The following NOS1AP variants were observed in gnomAD, a reference collection of about 807,000 sequenced individuals.
NOS1AP encodes carboxyl-terminal PDZ ligand of neuronal nitric oxide synthase protein.
A neutral mutation model predicts 56.2 loss-of-function variants in NOS1AP; 21 were observed. The ratio of observed to expected loss-of-function variants is 0.37; its 90% CI spans 0.26 to 0.54. The LOEUF (loss-of-function observed/expected upper bound fraction) is 0.54. Among genes scored for constraint, NOS1AP ranks in the 20% least tolerant of loss-of-function variants. NOS1AP has a pLI of 0.84. For synonymous variants in NOS1AP, 270 were observed against 274.6 expected (o/e 0.98, Z 0.17); for missense variants, 522 against 657.8 (o/e 0.79, Z 2.26).
In NOS1AP at chr1:162,199,963, G is replaced by A. The variant is rs576796383; in HGVS notation, c.177+45487G>A. Among the ~76,000 whole-genome samples the A allele has an allele frequency of 2.0e-5, 3 of 152,294 alleles. No homozygotes were observed. In the South Asian group the frequency reaches 6.2e-4, roughly 32 times the overall value. ...CACCTTTGCTTTGTAGGAGGAGGCA[G>A]TAGGTAGTGGTAGAAGCCATGTGCA... On this transcript the variant is annotated intron_variant, in intron 2 of 9. Transcript: ENST00000361897.
chr1:162,322,483 A>G (rs1212745612), intron 4 of NOS1AP, among the ~76,000 whole-genome samples: 1 of 152,190 alleles, frequency 6.6e-6, no homozygotes. Context: ...AGCAGGTGGC[A>G]TGAGAGGTAT....
At chr1:162,152,306 C>T (rs1649751388) in intron 1 of NOS1AP, among the ~76,000 whole-genome samples, 1 of 152,162 alleles carries the variant, frequency 6.6e-6, no homozygotes, top group Non-Finnish European at 1.5e-5. Context: ...CCCTAGCTCT[C>T]ATGTGATGGC....
At chr1:162,086,142 T>C (rs12066465) in intron 1 of NOS1AP, among the ~76,000 whole-genome samples, 25,498 of 152,024 alleles carry the variant, frequency 0.17, 4,846 homozygotes, top group African/African-American at 0.47. Flanking sequence ...CCCAGAACAA[T>C]TTTTGGAGGC....
intron 1 of NOS1AP, among the ~76,000 whole-genome samples, chr1:162,112,842 A>G (rs1309047469): frequency 1.3e-5 from 2 of 152,236 alleles, no homozygotes; most frequent in Non-Finnish European, 2.9e-5. Context: ...CATTATAAGC[A>G]TGTCAATGCC....
chr1:162,217,576 T>C (rs1429557453), intron 2 of NOS1AP, among the ~76,000 whole-genome samples: 1 of 152,144 alleles, frequency 6.6e-6, no homozygotes, highest in Non-Finnish European at 1.5e-5. Flanking sequence ...TGTTGTTGGC[T>C]TTTTGTTCAA....
At chr1:162,314,776 G>C (rs548854976) in intron 4 of NOS1AP, among the ~76,000 whole-genome samples, 64 of 152,272 alleles carry the variant, frequency 4.2e-4, no homozygotes, top group Middle Eastern at 3.4e-3. Context: ...ATGTACCCCA[G>C]AGTCCTGCAT....
chr1:162,199,622 G>GTC (rs1415328797), intron 2 of NOS1AP, among the ~76,000 whole-genome samples: 3 of 141,016 alleles, frequency 2.1e-5, no homozygotes, highest in Non-Finnish European at 4.8e-5. Context: ...GTGTGTGTGT[G>GTC]TGTGTGTGTG....
intron 2 of NOS1AP, among the ~76,000 whole-genome samples, chr1:162,272,681 G>C (rs866853522): frequency 2.0e-5 from 3 of 152,226 alleles, no homozygotes; most frequent in Middle Eastern, 3.4e-3. Flanking sequence ...CCATATATGT[G>C]AGCCTGTGTG....
intron 1 of NOS1AP, among the ~76,000 whole-genome samples, chr1:162,152,830 C>T (rs1487501198): frequency 6.6e-6 from 1 of 152,172 alleles, no homozygotes; most frequent in Non-Finnish European, 1.5e-5. Flanking sequence ...TTGCTTTTCC[C>T]GTAACTACAG....
intron 4 of NOS1AP, among the ~76,000 whole-genome samples, chr1:162,330,662 GA>G: frequency 6.6e-6 from 1 of 152,180 alleles, no homozygotes; most frequent in East Asian, 1.9e-4. Context: ...GCTTTAAGAG[GA>G]AAATGATGGG....
rs139485576 is a variant in NOS1AP at position 162,102,033 on chromosome 1, G to A, written c.105+31751G>A. Among the ~76,000 whole-genome samples the A allele has an allele frequency of 3.5e-3, 527 of 152,262 alleles. 2 individuals are homozygous for A. The highest frequency in any genetic ancestry group is 5.9e-3 in the Non-Finnish European group (402 of 68,012). On this transcript the variant is annotated intron_variant, in intron 1 of 9. Coordinates refer to ENST00000361897, the MANE Select transcript of NOS1AP (RefSeq NM_014697.3). ...TCTTGTCTTGTGCTGGTTTTCAAGG[G>A]GGAATGCTTCTAGCTTTTGCCATTC...
chr1:162,153,874 C>A (rs1291685868), intron 1 of NOS1AP, among the ~76,000 whole-genome samples: 1 of 152,114 alleles, frequency 6.6e-6, no homozygotes, highest in Non-Finnish European at 1.5e-5. Context: ...TAATTCATTT[C>A]TTTCCTCCAG....
intron 8 of NOS1AP, among the ~76,000 whole-genome samples, chr1:162,359,690 C>G (rs1346488963): frequency 1.3e-5 from 2 of 151,274 alleles, no homozygotes; most frequent in Non-Finnish European, 2.9e-5. Context: ...TTGAAATAGA[C>G]CAAGTATAGC....
intron 1 of NOS1AP, among the ~76,000 whole-genome samples, chr1:162,104,312 T>A (rs540592405): frequency 2.6e-5 from 4 of 152,318 alleles, no homozygotes; most frequent in African/African-American, 9.6e-5. Flanking sequence ...GTAGGTGACC[T>A]GGCCTTTCTC....
chr1:162,254,319 G>A (rs556117520), intron 2 of NOS1AP, among the ~76,000 whole-genome samples: 1 of 152,292 alleles, frequency 6.6e-6, no homozygotes, highest in South Asian at 2.1e-4. Flanking sequence ...GATTTCTGGT[G>A]ACCAGGAGCA....
chr1:162,086,904 TACA>T (rs1692015287), intron 1 of NOS1AP, among the ~76,000 whole-genome samples: 2 of 152,168 alleles, frequency 1.3e-5, no homozygotes, highest in Non-Finnish European at 2.9e-5. Context: ...ATAGGATGCA[TACA>T]ACAACTCCAC....
At chr1:162,214,562 G>A (rs970208744) in intron 2 of NOS1AP, among the ~76,000 whole-genome samples, 6 of 152,028 alleles carry the variant, frequency 3.9e-5, no homozygotes, top group Non-Finnish European at 8.8e-5. Context: ...ATAATTCTCA[G>A]TGTTTTTCTT....
intron 6 of NOS1AP, among the ~76,000 whole-genome samples, chr1:162,352,463 A>G (rs1319963785): frequency 6.7e-6 from 1 of 148,826 alleles, no homozygotes; most frequent in Non-Finnish European, 1.5e-5. Context: ...ACTAAAGTTT[A>G]TCTTTAGGCC....
chr1:162,221,032 C>T (rs1015729164), intron 2 of NOS1AP, among the ~76,000 whole-genome samples: 1 of 152,286 alleles, frequency 6.6e-6, no homozygotes, highest in African/African-American at 2.4e-5. Context: ...ACCTCCACCT[C>T]TCGGGTTCAA....
Sources: gnomAD v4.1 joint callset for allele counts (sites outside exome capture counted in the v4.1 genomes callset) on GRCh38, gnomAD v4.1.1 for gene constraint, MANE v1.5 for transcripts, NCBI Gene and HGNC (gene_info 2026-07-23, HGNC 2026-07-21) for gene names.